PUM1: variants seen among roughly 807,000 people sequenced by gnomAD.
PUM1 encodes pumilio RNA binding family member 1, also known as pumilio homolog 1.
In PUM1, 13 loss-of-function variants were observed where a neutral mutation model predicts 131.8. That is an observed-to-expected ratio of 0.10 (90% CI 0.06 to 0.16). PUM1 has a LOEUF of 0.16. PUM1 is among the 10% of genes least tolerant of loss of function. The pLI, the probability that PUM1 is intolerant of heterozygous loss-of-function variation, is 1.00. For synonymous variants in PUM1, 509 were observed against 556.5 expected, an observed-to-expected ratio of 0.91 and a Z score of 1.20; for missense variants, 961 against 1,512.4, an observed-to-expected ratio of 0.64 and a Z score of 6.05.
At chr1:30,945,754 CAAAG>C (rs960969462) in intron 17 of PUM1, among the ~76,000 whole-genome samples, 2 of 152,030 alleles carry the variant, frequency 1.3e-5, no homozygotes, top group Non-Finnish European at 2.9e-5. Flanking sequence ...AAACAAAAAA[CAAAG>C]AAAAGCCTCT....
At chr1:31,057,156 C>T (rs1042725426) in intron 2 of PUM1, among the ~76,000 whole-genome samples, 2 of 152,142 alleles carry the variant, frequency 1.3e-5, no homozygotes, top group Non-Finnish European at 2.9e-5. Context: ...GCAATCCCAG[C>T]ACTCTGGGAG....
At chr1:30,972,340 AGGG>A in intron 10 of PUM1, among the ~76,000 whole-genome samples, 2 of 30 alleles carry the variant, frequency 0.067, 1 homozygote, top group South Asian at 1. Context: ...AGGGGAGGGG[AGGG>A]GAGGGGAGGG....
chr1:30,985,584 G>A (rs1322287129), intron 7 of PUM1, among the ~76,000 whole-genome samples: 8 of 148,876 alleles, frequency 5.4e-5, no homozygotes, highest in Non-Finnish European at 8.9e-5. Flanking sequence ...CCCAGGAGGC[G>A]GAAGTTGAGG....
At chr1:31,062,243 C>T (rs2124026442) in intron 1 of PUM1, among the ~76,000 whole-genome samples, 1 of 152,290 alleles carries the variant, frequency 6.6e-6, no homozygotes, top group South Asian at 2.1e-4. Flanking sequence ...TCAAATGTTA[C>T]TATGAAACAC....
At chr1:31,028,471 T>C (rs1304355035) in intron 3 of PUM1, among the ~76,000 whole-genome samples, 1 of 152,218 alleles carries the variant, frequency 6.6e-6, no homozygotes, top group Non-Finnish European at 1.5e-5. Context: ...AAGTAAAGGT[T>C]GGCCTTTTAT....
At chr1:31,040,345 GC>G (rs1428923254) in intron 2 of PUM1, among the ~76,000 whole-genome samples, 1 of 152,170 alleles carries the variant, frequency 6.6e-6, no homozygotes, top group Non-Finnish European at 1.5e-5. Flanking sequence ...GGCATCAAAG[GC>G]AGGCACCCAA....
intron 21 of PUM1, 97 bp from the exon 22 acceptor site, chr1:30,933,439 T>TACACACACACAC (rs58664754): frequency 0.012 from 4,289 of 363,570 alleles, 81 homozygotes; most frequent in East Asian, 0.021. Context: ...CACACACACA[T>TACACACACACAC]ACACACACAC....
intron 3 of PUM1, among the ~76,000 whole-genome samples, chr1:31,013,470 T>TA (rs1376449206): frequency 1.3e-5 from 2 of 152,242 alleles, no homozygotes; most frequent in Admixed American, 6.5e-5. Flanking sequence ...ACATGGATGT[T>TA]ACAACCCTGC....
chr1:31,059,696 A>T (rs1440799653), intron 1 of PUM1, 119 bp from the exon 2 acceptor site: 6 of 1,214,130 alleles, frequency 4.9e-6, no homozygotes, highest in Non-Finnish European at 6.8e-6. Context: ...GGTGGCATGC[A>T]CTCTGGCAAG....
At chr1:31,041,158 G>A (rs1426410517) in intron 2 of PUM1, among the ~76,000 whole-genome samples, 1 of 152,076 alleles carries the variant, frequency 6.6e-6, no homozygotes, top group Non-Finnish European at 1.5e-5. Flanking sequence ...ATACAGTACA[G>A]GAATTGAAGG....
intron 6 of PUM1, among the ~76,000 whole-genome samples, chr1:30,994,408 T>C (rs958655859): frequency 2.6e-5 from 4 of 152,176 alleles, no homozygotes; most frequent in Admixed American, 1.3e-4. Flanking sequence ...TATGTGCCAA[T>C]TGTGGAAGAT....
intron 14 of PUM1, among the ~76,000 whole-genome samples, chr1:30,962,358 G>A (rs1288056160): frequency 6.6e-6 from 1 of 152,142 alleles, no homozygotes; most frequent in Non-Finnish European, 1.5e-5. Context: ...ATGCATGAAA[G>A]TAGTATTTCT....
chr1:30,935,909 G>A (rs1321167226), intron 21 of PUM1: 1 of 322,970 alleles, frequency 3.1e-6, no homozygotes, highest in African/African-American at 2.6e-5. Flanking sequence ...CTGCCTGTGG[G>A]TCTGTTTTGC....
At chr1:31,049,189 C>G (rs547868228) in intron 2 of PUM1, among the ~76,000 whole-genome samples, 12 of 149,896 alleles carry the variant, frequency 8.0e-5, no homozygotes, top group Middle Eastern at 7.5e-3. Flanking sequence ...TGGGTGACAG[C>G]GAAACTCTGT....
At chr1:30,956,541 G>A (rs1210043619) in intron 14 of PUM1, among the ~76,000 whole-genome samples, 2 of 152,194 alleles carry the variant, frequency 1.3e-5, no homozygotes, top group East Asian at 1.9e-4. Context: ...TGGGATTACA[G>A]GCATGAGCCA....
chr1:31,065,555 G>C, intron 1 of PUM1, 61 bp downstream of exon 1: 1 of 1,524,484 alleles, frequency 6.6e-7, no homozygotes, highest in Non-Finnish European at 8.8e-7. Context: ...AATATGAAGG[G>C]ACAATCTGCT....
chr1:31,051,656 C>A (rs1022436824), intron 2 of PUM1, among the ~76,000 whole-genome samples: 1 of 151,752 alleles, frequency 6.6e-6, no homozygotes, highest in African/African-American at 2.4e-5. Flanking sequence ...CTCCTATAGG[C>A]TGTCAATCTA....
At chr1:30,969,316 C>CACACAAAAAAAAAA (rs1408362237) in intron 10 of PUM1, among the ~76,000 whole-genome samples, 1 of 51,178 alleles carries the variant, frequency 2.0e-5, no homozygotes, top group African/African-American at 7.4e-5. Flanking sequence ...AACACACACA[C>CACACAAAAAAAAAA]AAAAAAAAAA....
At chr1:30,933,452 A>ACACACACACACG (rs1639050462) in intron 21 of PUM1, 110 bp from the exon 22 acceptor site, 2 of 714,946 alleles carry the variant, frequency 2.8e-6, no homozygotes, top group Non-Finnish European at 4.7e-6. Context: ...ACACACACAC[A>ACACACACACACG]CACACACACA....
Sources: gnomAD v4.1 joint callset for allele counts (sites outside exome capture counted in the v4.1 genomes callset) on GRCh38, gnomAD v4.1.1 for gene constraint, MANE v1.5 for transcripts, NCBI Gene and HGNC (gene_info 2026-07-23, HGNC 2026-07-21) for gene names.